The following RAB38 variants were observed in gnomAD, a reference collection of about 807,000 sequenced individuals.
RAB38 encodes the protein ras-related protein Rab-38.
RAB38 carries 15 observed loss-of-function variants against 18.4 expected under a neutral mutation model. The observed-to-expected ratio is 0.82, with a 90% CI of 0.55 to 1.26. The LOEUF (loss-of-function observed/expected upper bound fraction) is 1.26, where lower values mean the gene tolerates loss of function less well. Ranked by LOEUF, RAB38 falls within the 50% of genes most tolerant of loss-of-function variation. RAB38 has a pLI of 0.00. For synonymous variants in RAB38, 101 were observed against 104.4 expected, an observed-to-expected ratio of 0.97 and a Z score of 0.20; for missense variants, 294 against 267.4, an observed-to-expected ratio of 1.10 and a Z score of -0.69.
the RAB38 span, among the ~76,000 whole-genome samples, chr11:87,885,675 C>G: frequency 1.3e-5 from 2 of 151,980 alleles, no homozygotes; most frequent in South Asian, 4.1e-4. Flanking sequence ...ATGATTATCC[C>G]TCTAATCATC....
the RAB38 span, among the ~76,000 whole-genome samples, chr11:87,821,142 C>T: frequency 2.1e-4 from 32 of 152,134 alleles, no homozygotes; most frequent in African/African-American, 7.0e-4. Context: ...TCCAATAAAT[C>T]ACAAGTAGGA....
chr11:88,104,201 T>C, the RAB38 span, among the ~76,000 whole-genome samples: 2 of 152,146 alleles, frequency 1.3e-5, no homozygotes, highest in East Asian at 3.9e-4. Context: ...TGGCGGCTTT[T>C]CCCGGCATTT....
intron 2 of RAB38, among the ~76,000 whole-genome samples, chr11:88,134,858 A>T (rs1942813790): frequency 1.3e-5 from 2 of 152,152 alleles, no homozygotes; most frequent in South Asian, 4.1e-4. Context: ...TGTCTCACAA[A>T]AATCCAAAAT....
chr11:88,015,374 C>A, the RAB38 span, among the ~76,000 whole-genome samples: 1 of 152,094 alleles, frequency 6.6e-6, no homozygotes, highest in African/African-American at 2.4e-5. Flanking sequence ...TACTTTTAGT[C>A]TCAGATCCAC....
the RAB38 span, among the ~76,000 whole-genome samples, chr11:88,034,447 G>GT: frequency 6.6e-6 from 1 of 152,202 alleles, no homozygotes; most frequent in Non-Finnish European, 1.5e-5. Flanking sequence ...AAGAGTGGCT[G>GT]TAACAGTTTA....
chr11:87,846,529 A>G, the RAB38 span, among the ~76,000 whole-genome samples: 1 of 152,108 alleles, frequency 6.6e-6, no homozygotes, highest in African/African-American at 2.4e-5. Context: ...GAAATAATTC[A>G]TTAGGAAAAG....
the RAB38 span, among the ~76,000 whole-genome samples, chr11:88,090,122 C>A: frequency 6.6e-6 from 1 of 151,930 alleles, no homozygotes; most frequent in South Asian, 2.1e-4. Context: ...AGCCTGAACA[C>A]AAGGGTCCTC....
At chr11:87,958,364 G>A in the RAB38 span, among the ~76,000 whole-genome samples, 1 of 152,152 alleles carries the variant, frequency 6.6e-6, no homozygotes, top group Non-Finnish European at 1.5e-5. Flanking sequence ...AAGTTAAGAA[G>A]CATCTACCCC....
At chr11:88,138,665 A>G (rs1942863995) in intron 2 of RAB38, among the ~76,000 whole-genome samples, 1 of 152,196 alleles carries the variant, frequency 6.6e-6, no homozygotes, top group Non-Finnish European at 1.5e-5. Flanking sequence ...TAATATGGGC[A>G]TAGTAATAGC....
the RAB38 span, among the ~76,000 whole-genome samples, chr11:87,931,721 A>C: frequency 1.3e-5 from 2 of 152,138 alleles, no homozygotes; most frequent in African/African-American, 4.8e-5. Flanking sequence ...TTAAATTAAC[A>C]AGTGTATTAA....
At chr11:87,832,064 C>T in the RAB38 span, among the ~76,000 whole-genome samples, 8 of 152,182 alleles carry the variant, frequency 5.3e-5, no homozygotes, top group African/African-American at 1.9e-4. Flanking sequence ...CTGGTTCCAA[C>T]ACTTACTAAT....
chr11:87,871,843 G>A, the RAB38 span, among the ~76,000 whole-genome samples: 4 of 151,464 alleles, frequency 2.6e-5, no homozygotes, highest in Admixed American at 2.0e-4. Context: ...CGTAGCAATG[G>A]TTTACCTATT....
chr11:87,863,006 C>T, the RAB38 span, among the ~76,000 whole-genome samples: 1 of 151,868 alleles, frequency 6.6e-6, no homozygotes, highest in Non-Finnish European at 1.5e-5. Flanking sequence ...CACTGAGCTT[C>T]TCTAGGACAC....
the RAB38 span, among the ~76,000 whole-genome samples, chr11:87,838,119 A>AT: frequency 4.4e-3 from 642 of 144,756 alleles, 6 homozygotes; most frequent in African/African-American, 0.015. Flanking sequence ...TTTTATTTTT[A>AT]TTTTTTTTTT....
intron 1 of RAB38, among the ~76,000 whole-genome samples, chr11:88,157,840 A>T (rs1208810011): frequency 6.6e-6 from 1 of 152,142 alleles, no homozygotes; most frequent in Non-Finnish European, 1.5e-5. Flanking sequence ...TGTTAACAGG[A>T]AAGTTTATGG....
chr11:87,825,012 A>ATG, the RAB38 span, among the ~76,000 whole-genome samples: 39 of 151,082 alleles, frequency 2.6e-4, no homozygotes, highest in African/African-American at 5.1e-4. Context: ...GTGTGTGTGT[A>ATG]TGTGTGTGTG....
the RAB38 span, among the ~76,000 whole-genome samples, chr11:88,004,128 T>G: frequency 6.8e-6 from 1 of 147,536 alleles, no homozygotes; most frequent in Non-Finnish European, 1.5e-5. Context: ...TAGCAGTTAT[T>G]AAAATACTGA....
chr11:88,049,008 A>G, the RAB38 span, among the ~76,000 whole-genome samples: 4 of 152,112 alleles, frequency 2.6e-5, no homozygotes, highest in East Asian at 7.7e-4. Context: ...TATACGACAA[A>G]TATTTCTTCT....
chr11:88,135,898 T>C (rs1419418366), intron 2 of RAB38, among the ~76,000 whole-genome samples: 1 of 152,214 alleles, frequency 6.6e-6, no homozygotes, highest in South Asian at 2.1e-4. Flanking sequence ...TAATTTGTCT[T>C]ACAGCTAACC....
Sources: allele counts gnomAD v4.1 joint callset (sites outside exome capture counted in the v4.1 genomes callset), GRCh38; gene constraint gnomAD v4.1.1; transcripts MANE v1.5; gene names NCBI Gene and HGNC (gene_info 2026-07-23, HGNC 2026-07-21).